The following VSTM1 variants were observed in gnomAD, a reference collection of about 807,000 sequenced individuals.
VSTM1 encodes V-set and transmembrane domain containing 1.
Under a neutral mutation model 33.1 loss-of-function variants are expected in VSTM1, and 27 were observed. The observed-to-expected ratio is 0.82, with a 90% confidence interval of 0.60 to 1.12. The LOEUF (loss-of-function observed/expected upper bound fraction) is 1.12, where lower values mean the gene tolerates loss of function less well. Among genes scored for constraint, VSTM1 ranks in the 50% most tolerant of loss-of-function variants. The pLI is 0.00. For synonymous variants in VSTM1, 115 were observed against 110.3 expected, an observed-to-expected ratio of 1.04 and a Z score of -0.27; for missense variants, 304 against 288.9, an observed-to-expected ratio of 1.05 and a Z score of -0.38.
At chr19:54,047,984 G>A (rs548000331) in intron 4 of VSTM1, among the ~76,000 whole-genome samples, 32 of 152,332 alleles carry the variant, frequency 2.1e-4, no homozygotes, top group Middle Eastern at 6.8e-3. Context: ...CAGAAAGAAA[G>A]TCAAGTCTTG....
Position 54,056,918 on chromosome 19 carries a change from T to C in VSTM1, c.355+1388A>G, listed in dbSNP as rs924452952. Among the ~76,000 whole-genome samples, 2 of 139,754 alleles carry C rather than the reference T, an allele frequency of 1.4e-5. 1 individual carries two copies. Among genetic ancestry groups the C allele is most frequent in the Non-Finnish European group, 3.1e-5 (2 of 63,722 alleles). The allele number at this position is 139,754 out of a possible 152,430, so 91.7% of individuals were successfully genotyped here. A position where few individuals can be genotyped will look rare whatever the true frequency, so the allele number is the denominator to read the frequency against. On this transcript the variant is annotated intron_variant, in intron 3 of 8. Transcript: ENST00000338372. ...TCCAGGCTGCAGTGCAGTGGCACAA[T>C]CTCAGCTCATTACAACCTCTGCCTT...
intron 3 of VSTM1, among the ~76,000 whole-genome samples, chr19:54,052,046 C>T (rs955207150): frequency 1.3e-5 from 2 of 152,138 alleles, no homozygotes; most frequent in Admixed American, 1.3e-4. Context: ...CAGGCATGAG[C>T]CACTGCACCT....
chr19:54,040,968 T>C lies in VSTM1; in HGVS notation c.704A>G (p.Lys235Arg). Residue 235 changes from lysine (K) to arginine (R), a missense_variant, in exon 9 of 9, where the codon AAA becomes AGA. Lys to Arg is a conservative substitution (Grantham distance 26). Coordinates refer to ENST00000338372, the MANE Select transcript of VSTM1 (RefSeq NM_198481.4). ...GCCAGGGCTGTCTTCTTGCTACACT[T>C]TCAGTGCCGCATATTCATGAGATCC... ...PPGSHEYAAL[K>R]V 1 of 1,609,800 alleles carries C rather than the reference T, an allele frequency of 6.2e-7. No individual in the cohort carries two copies. Among genetic ancestry groups the C allele is most frequent in the Non-Finnish European group, 8.5e-7 (1 of 1,178,180 alleles).
intron 4 of VSTM1, among the ~76,000 whole-genome samples, chr19:54,051,096 A>G (rs2070816431): frequency 6.6e-6 from 1 of 151,930 alleles, no homozygotes; most frequent in African/African-American, 2.4e-5. Flanking sequence ...GTTCGAGACC[A>G]GCCTGGCCAA....
At chr19:54,058,189 G>C (rs1053177050) in intron 3 of VSTM1, 117 bp downstream of exon 3, 1 of 1,138,786 alleles carries the variant, frequency 8.8e-7, no homozygotes, top group African/African-American at 1.6e-5. Flanking sequence ...GCAGTGAGCC[G>C]AGATCGTGCC....
rs374666438 is a variant in VSTM1 at position 54,042,280 on chromosome 19, G to A, written c.484C>T (p.His162Tyr). ...SVFIIYRCSQHSSSSEESTKR... is the reference protein window; with the variant it reads ...SVFIIYRCSQYSSSSEESTKR... Reference sequence around the variant, plus strand: ...CCTTTGCGTTCTCTGAGCTCACTGTGCTGGCTGCATCTGTAGATGATGAAG... The same window carrying A: ...CCTTTGCGTTCTCTGAGCTCACTGTACTGGCTGCATCTGTAGATGATGAAG... The change falls in exon 5 of 9, where the codon CAC becomes TAC. Residue 162 changes from histidine (H) to tyrosine (Y), a missense_variant. Transcript: ENST00000338372. 2.5e-6 allele frequency: 4 copies of A among 1,613,938 alleles called. No homozygotes were observed. Among genetic ancestry groups the A allele is most frequent in the South Asian group, 1.1e-5 (1 of 91,044 alleles).
chr19:54,057,531 C>T (rs1255852119), intron 3 of VSTM1, among the ~76,000 whole-genome samples: 9 of 150,170 alleles, frequency 6.0e-5, no homozygotes, highest in South Asian at 2.1e-4. Flanking sequence ...AAAAAGCAGC[C>T]GAGCGCAGTG....
intron 3 of VSTM1, among the ~76,000 whole-genome samples, chr19:54,053,319 A>G (rs1408586140): frequency 7.0e-6 from 1 of 142,002 alleles, no homozygotes; most frequent in East Asian, 2.0e-4. Flanking sequence ...GAGACTCAGG[A>G]GCCCTGCTTC....
intron 3 of VSTM1, among the ~76,000 whole-genome samples, chr19:54,058,007 G>T (rs1197819636): frequency 6.6e-6 from 1 of 152,034 alleles, no homozygotes; most frequent in South Asian, 2.1e-4. Context: ...TTGGGAGGCG[G>T]AGGCAGGTGG....
At position 54,040,882 on chromosome 19, in the gene VSTM1, C is replaced by T; in HGVS notation, c.*79G>A. Reference sequence around the variant, plus strand: ...GATATGGACGAAGAGCAAGGAAACACAGTATCTGCATCTCCAGATTTCCGA... The same window carrying T: ...GATATGGACGAAGAGCAAGGAAACATAGTATCTGCATCTCCAGATTTCCGA... On this transcript the variant is annotated 3_prime_UTR_variant, in exon 9 of 9. Transcript: ENST00000338372. 1 of 1,532,850 alleles carries T rather than the reference C, an allele frequency of 6.5e-7. No individual in the cohort carries two copies. Among genetic ancestry groups the T allele is most frequent in the Non-Finnish European group, 8.8e-7 (1 of 1,140,214 alleles). The allele number at this position is 1,532,850 out of a possible 1,614,324, so 95.0% of individuals were successfully genotyped here.
At chr19:54,058,790 A>G in intron 1 of VSTM1, 58 bp from the exon 2 acceptor site, 1 of 1,530,984 alleles carries the variant, frequency 6.5e-7, no homozygotes. Context: ...GTACAAATCC[A>G]GCAGAGAACG....
chr19:54,046,333 C>T (rs952329840), intron 4 of VSTM1, among the ~76,000 whole-genome samples: 2 of 152,128 alleles, frequency 1.3e-5, no homozygotes, highest in African/African-American at 4.8e-5. Flanking sequence ...CTCCTACCTC[C>T]TGACTTTGTA....
At chr19:54,041,674 G>T in intron 8 of VSTM1, 105 bp downstream of exon 8, 1 of 1,245,528 alleles carries the variant, frequency 8.0e-7, no homozygotes, top group Non-Finnish European at 1.1e-6. Context: ...GACCACATGC[G>T]TGATAAACAG....
intron 1 of VSTM1, among the ~76,000 whole-genome samples, chr19:54,059,949 G>A (rs531460187): frequency 1.3e-5 from 2 of 151,204 alleles, no homozygotes; most frequent in South Asian, 2.1e-4. Flanking sequence ...CCGGGTTCAC[G>A]CCATTCTCCT....
chr19:54,061,145 G>A (rs1265778276), intron 1 of VSTM1, among the ~76,000 whole-genome samples: 1 of 150,938 alleles, frequency 6.6e-6, no homozygotes, highest in Non-Finnish European at 1.5e-5. Context: ...AGCCTCCCGA[G>A]TAGCTGGGAT....
rs1240153644 is a variant in VSTM1 at position 54,057,084 on chromosome 19, G to A, written c.355+1222C>T. On this transcript the variant is annotated intron_variant, in intron 3 of 8. Coordinates refer to ENST00000338372, the MANE Select transcript of VSTM1 (RefSeq NM_198481.4). ...TTGGCCAGGCTGGTCTCGAACTCCC[G>A]ACCTCAAGTGATCTGCCCACCTCTG... 2.2e-5 allele frequency among the ~76,000 whole-genome samples: 3 copies of A among 139,028 alleles called. 1 individual carries two copies. Among genetic ancestry groups the A allele is most frequent in the Admixed American group, 1.5e-4 (2 of 13,532 alleles). The allele number at this position is 139,028 out of a possible 152,430, so 91.2% of individuals were successfully genotyped here. A position where few individuals can be genotyped will look rare whatever the true frequency, so the allele number is the denominator to read the frequency against.
intron 1 of VSTM1, among the ~76,000 whole-genome samples, chr19:54,059,072 T>A (rs2146138863): frequency 6.8e-6 from 1 of 147,932 alleles, no homozygotes; most frequent in South Asian, 2.1e-4. Context: ...TTTTTTTTTT[T>A]TTTTTTGAAA....
At chr19:54,054,859 GGA>G (rs2071014833) in intron 3 of VSTM1, among the ~76,000 whole-genome samples, 1 of 86,028 alleles carries the variant, frequency 1.2e-5, no homozygotes, top group Non-Finnish European at 2.9e-5. Flanking sequence ...ATGGATGGAT[GGA>G]TGGATGGATG....
chr19:54,052,729 C>T (rs1301293296), intron 3 of VSTM1, among the ~76,000 whole-genome samples: 1 of 142,128 alleles, frequency 7.0e-6, no homozygotes, highest in African/African-American at 2.6e-5. Flanking sequence ...TGAATATATA[C>T]AATCTTCATT....
Sources: allele counts gnomAD v4.1 joint callset (sites outside exome capture counted in the v4.1 genomes callset), GRCh38; gene constraint gnomAD v4.1.1; transcripts MANE v1.5; gene names NCBI Gene and HGNC (gene_info 2026-07-23, HGNC 2026-07-21).